Variants in MPP7 observed in about 807,000 individuals in gnomAD.
MPP7 encodes the protein MAGUK p55 subfamily member 7.
In MPP7, 60 loss-of-function variants were observed where a neutral mutation model predicts 76.5. The ratio of observed to expected loss-of-function variants is 0.78; its 90% confidence interval spans 0.64 to 0.97. MPP7 has a LOEUF of 0.97. MPP7 is among the 50% of genes least tolerant of loss of function. The pLI, the probability that MPP7 is intolerant of heterozygous loss-of-function variation, is 0.00. For synonymous variants in MPP7, 237 were observed against 244.5 expected, an observed-to-expected ratio of 0.97 and a Z score of 0.29; for missense variants, 641 against 694.0, an observed-to-expected ratio of 0.92 and a Z score of 0.86.
intron 1 of MPP7, among the ~76,000 whole-genome samples, chr10:28,254,004 G>GAAAAAAAAAAAAAAAAA (rs199511617): frequency 2.2e-5 from 2 of 92,326 alleles, no homozygotes; most frequent in Admixed American, 1.5e-4. Flanking sequence ...TCACAAAAAA[G>GAAAAAAAAAAAAAAAAA]AAAAAAAAAA....
At chr10:28,305,493 G>A (rs185930180), upstream of MPP7, 2 of 152,222 alleles carry the variant, frequency 1.3e-5, no homozygotes, top group East Asian at 3.9e-4. Flanking sequence ...TTAGATCTGT[G>A]GATATAACAA....
rs551229175 is a variant in MPP7 at position 28,169,526 on chromosome 10, ATAAT to A, written c.157-19471_157-19468del. Among the ~76,000 whole-genome samples the A allele has an allele frequency of 4.1e-3, 621 of 152,300 alleles. 4 individuals carry two copies. The highest frequency in any genetic ancestry group is 6.5e-3 in the Non-Finnish European group (439 of 68,016). The stretch of plus-strand genomic sequence containing the variant: ...GCAAGACCCCATCTCTTTAAAAAAA[ATAAT>A]TAATACACGTTAGATAATTGCCATC... On this transcript the variant is annotated intron_variant, in intron 3 of 16. Transcript: ENST00000683449.
intron 3 of MPP7, among the ~76,000 whole-genome samples, chr10:28,158,415 A>G (rs1241860948): frequency 6.6e-6 from 1 of 152,182 alleles, no homozygotes; most frequent in African/African-American, 2.4e-5. Context: ...AAATAGGAAA[A>G]GAGGGGACAG....
intron 3 of MPP7, among the ~76,000 whole-genome samples, chr10:28,175,449 A>T (rs201615707): frequency 8.7e-4 from 6 of 6,882 alleles, no homozygotes; most frequent in African/African-American, 3.3e-3. Flanking sequence ...GAATTTTTTT[A>T]AAATGCCATG....
chr10:28,098,706 T>A (rs1404726100), intron 11 of MPP7, among the ~76,000 whole-genome samples: 1 of 152,084 alleles, frequency 6.6e-6, no homozygotes, highest in Non-Finnish European at 1.5e-5. Context: ...AGAGGCAAGT[T>A]CTAATCATCT....
At chr10:28,238,938 T>C (rs1839171212) in intron 1 of MPP7, among the ~76,000 whole-genome samples, 1 of 152,076 alleles carries the variant, frequency 6.6e-6, no homozygotes, top group African/African-American at 2.4e-5. Context: ...ACATGAATGT[T>C]CTGCATGCGT....
At chr10:28,190,212 C>T (rs901089045) in intron 3 of MPP7, among the ~76,000 whole-genome samples, 2 of 152,080 alleles carry the variant, frequency 1.3e-5, no homozygotes, top group African/African-American at 4.8e-5. Flanking sequence ...TGCATGAAGT[C>T]ACTATTATAC....
intron 7 of MPP7, among the ~76,000 whole-genome samples, chr10:28,124,723 T>C (rs898564961): frequency 3.3e-5 from 5 of 151,942 alleles, no homozygotes; most frequent in Non-Finnish European, 5.9e-5. Flanking sequence ...GACCTCGTGA[T>C]CCACCCGCCT....
intron 1 of MPP7, among the ~76,000 whole-genome samples, chr10:28,297,021 G>C (rs779024720): frequency 2.6e-5 from 4 of 152,082 alleles, no homozygotes; most frequent in African/African-American, 4.8e-5. Context: ...CTTTGGTCTG[G>C]GTTTCTGAAC....
chr10:28,274,565 G>C (rs1384688723), intron 1 of MPP7, among the ~76,000 whole-genome samples: 1 of 152,062 alleles, frequency 6.6e-6, no homozygotes, highest in Admixed American at 6.6e-5. Context: ...TAATAAATTA[G>C]AAGATTCTTT....
At chr10:28,240,980 GTTTC>G (rs972838760) in intron 1 of MPP7, among the ~76,000 whole-genome samples, 7 of 151,984 alleles carry the variant, frequency 4.6e-5, no homozygotes, top group African/African-American at 1.7e-4. Context: ...TGTAATTTAA[GTTTC>G]TTTATGTCAT....
chr10:28,285,733 A>G (rs1457433253), intron 1 of MPP7, among the ~76,000 whole-genome samples: 1 of 152,234 alleles, frequency 6.6e-6, no homozygotes, highest in Admixed American at 6.5e-5. Flanking sequence ...TTGCCAAAAA[A>G]AATAGAAACT....
chr10:28,302,489 C>T (rs1841181433), intron 1 of MPP7, among the ~76,000 whole-genome samples: 1 of 152,310 alleles, frequency 6.6e-6, no homozygotes, highest in South Asian at 2.1e-4. Context: ...CCCTTTCAGT[C>T]GGTTCTTTTC....
intron 1 of MPP7, among the ~76,000 whole-genome samples, chr10:28,256,459 A>G (rs1839789533): frequency 6.6e-6 from 1 of 152,180 alleles, no homozygotes; most frequent in African/African-American, 2.4e-5. Flanking sequence ...TAATTCACAC[A>G]GGTAAACAAA....
intron 3 of MPP7, among the ~76,000 whole-genome samples, chr10:28,163,021 G>A (rs898307842): frequency 5.3e-5 from 8 of 152,050 alleles, no homozygotes; most frequent in South Asian, 4.1e-4. Flanking sequence ...GGTCCTTAAC[G>A]TCATTACATC....
chr10:28,077,942 T>C (rs531237793), intron 12 of MPP7, among the ~76,000 whole-genome samples: 82 of 152,174 alleles, frequency 5.4e-4, no homozygotes, highest in Non-Finnish European at 1.0e-3. Flanking sequence ...CTGTTACTCA[T>C]CCTCAGAACA....
At chr10:28,123,930 C>T (rs2133633022) in intron 8 of MPP7, 101 bp downstream of exon 8, 1 of 793,794 alleles carries the variant, frequency 1.3e-6, no homozygotes, top group Admixed American at 1.9e-5. Context: ...CCCTGCACTG[C>T]TTAATACAAA....
At chr10:28,273,128 G>A (rs1284433583) in intron 1 of MPP7, among the ~76,000 whole-genome samples, 1 of 152,144 alleles carries the variant, frequency 6.6e-6, no homozygotes, top group Non-Finnish European at 1.5e-5. Context: ...ATGTTGGCCA[G>A]GCTGGTCTCG....
intron 4 of MPP7, among the ~76,000 whole-genome samples, chr10:28,148,553 T>G (rs1564658821): frequency 6.6e-6 from 1 of 152,110 alleles, no homozygotes; most frequent in African/African-American, 2.4e-5. Context: ...TAATATAAAT[T>G]GTACACAAAA....
Sources: gnomAD v4.1 joint callset for allele counts (sites outside exome capture counted in the v4.1 genomes callset) on GRCh38, gnomAD v4.1.1 for gene constraint, MANE v1.5 for transcripts, NCBI Gene and HGNC (gene_info 2026-07-23, HGNC 2026-07-21) for gene names.